The following PITPNB variants were observed in gnomAD, a reference collection of about 807,000 sequenced individuals.
PITPNB encodes phosphatidylinositol transfer protein beta.
Under a neutral mutation model 45.9 loss-of-function variants are expected in PITPNB, and 16 were observed. That is an observed-to-expected ratio of 0.35 (90% CI 0.24 to 0.53). The LOEUF (loss-of-function observed/expected upper bound fraction) is 0.53, where lower values mean the gene tolerates loss of function less well. Ranked by LOEUF, PITPNB falls within the 20% of genes least tolerant of loss-of-function variation. The pLI is 0.93. For synonymous variants in PITPNB, 112 were observed against 108.9 expected (o/e 1.03, Z -0.18); for missense variants, 188 against 330.5 (o/e 0.57, Z 3.34).
rs539861891 is a variant in PITPNB, at chr22:27,874,566, G to A, written c.457-751C>T. Among the ~76,000 whole-genome samples, 53 of 152,166 alleles carry A rather than the reference G, an allele frequency of 3.5e-4. No individual in the cohort carries two copies. In the South Asian group the frequency reaches 9.8e-3, roughly 28 times the overall value. On this transcript the variant is annotated intron_variant, in intron 7 of 11. Transcript: ENST00000335272. ...TAGTATATCTTTTTCCTGACAGAAC[G>A]GAGGAAATGAAAAAAGAAAATCTTT...
intron 8 of PITPNB, among the ~76,000 whole-genome samples, chr22:27,871,255 C>T (rs1330955013): frequency 6.6e-6 from 1 of 152,210 alleles, no homozygotes; most frequent in African/African-American, 2.4e-5. Flanking sequence ...TATCAAACTA[C>T]TTTTGCTGCC....
intron 8 of PITPNB, among the ~76,000 whole-genome samples, chr22:27,867,213 T>A (rs1263972201): frequency 6.6e-6 from 1 of 151,962 alleles, no homozygotes; most frequent in Non-Finnish European, 1.5e-5. Context: ...ACACAAAGCC[T>A]ACCGTTTAAA....
chr22:27,918,891 G>C (rs1936178135), intron 1 of PITPNB, among the ~76,000 whole-genome samples: 1 of 152,066 alleles, frequency 6.6e-6, no homozygotes, highest in Non-Finnish European at 1.5e-5. Context: ...GGGTCCCAGC[G>C]GAAACTCCCG....
At chr22:27,914,725 C>T (rs1333937629) in intron 1 of PITPNB, among the ~76,000 whole-genome samples, 1 of 152,174 alleles carries the variant, frequency 6.6e-6, no homozygotes, top group Admixed American at 6.5e-5. Flanking sequence ...TCATTCTCCA[C>T]CTATATACTG....
chr22:27,907,573 C>T (rs1359753976), intron 3 of PITPNB, among the ~76,000 whole-genome samples: 1 of 152,140 alleles, frequency 6.6e-6, no homozygotes, highest in Non-Finnish European at 1.5e-5. Context: ...TACTGCCACC[C>T]TCTTGCCTTT....
chr22:27,897,720 CCTT>C, intron 4 of PITPNB, 78 bp downstream of exon 4: 1 of 930,624 alleles, frequency 1.1e-6, no homozygotes, highest in East Asian at 2.4e-5. Context: ...TCAGTGTAAA[CCTT>C]CTCAAAGACA....
chr22:27,870,135 G>A (rs867681083), intron 8 of PITPNB, among the ~76,000 whole-genome samples: 2 of 152,164 alleles, frequency 1.3e-5, no homozygotes, highest in African/African-American at 4.8e-5. Context: ...ACCGAATCAG[G>A]TGTTCCAGAA....
Position 27,852,794 on chromosome 22 carries a change from A to G in PITPNB, c.*908T>C, listed in dbSNP as rs924548463. ...TATTTCCAACTTTTCTACACAGCCT[A>G]CAATCCTATTAAGACTAATTTCTTC... On this transcript the variant is annotated 3_prime_UTR_variant, in exon 12 of 12. Coordinates refer to ENST00000335272, the MANE Select transcript of PITPNB (RefSeq NM_012399.5). 187 of 152,774 alleles carry G rather than the reference A, an allele frequency of 1.2e-3. No homozygotes were observed. The highest frequency in any genetic ancestry group is 4.4e-3 in the African/African-American group (184 of 41,572). 9.5% of individuals were successfully genotyped at this position (152,774 alleles called of 1,614,324 possible). A position where few individuals can be genotyped will look rare whatever the true frequency, so the allele number is the denominator to read the frequency against.
chr22:27,860,112 C>A lies in PITPNB; in HGVS notation c.645+19G>T. 1.4e-6 allele frequency: 2 copies of A among 1,428,778 alleles called. No individual in the cohort carries two copies. The highest frequency in any genetic ancestry group is 2.3e-5 in the South Asian group (2 of 87,126). 88.5% of individuals were successfully genotyped at this position (1,428,778 alleles called of 1,614,324 possible). ...ATCTCATCCTAAATCTAAGTCACCACATTTTGAGCAGATTTTACCTTTTGA... is the reference window on the plus strand; with the variant it reads ...ATCTCATCCTAAATCTAAGTCACCAAATTTTGAGCAGATTTTACCTTTTGA... On this transcript the variant is annotated intron_variant, in intron 9 of 11. Transcript: ENST00000335272.
chr22:27,896,667 C>T lies in PITPNB; in HGVS notation c.298-41G>A, dbSNP rs1321226084. ...CAGGAAAATGACAGTGATCTTCTACCTGTTCCTTGGTGCCCACGTCTGAGG... is the reference window on the plus strand; with the variant it reads ...CAGGAAAATGACAGTGATCTTCTACTTGTTCCTTGGTGCCCACGTCTGAGG... On this transcript the variant is annotated intron_variant, in intron 5 of 11. Coordinates refer to ENST00000335272, the MANE Select transcript of PITPNB (RefSeq NM_012399.5). 30 of 1,404,676 alleles carry T rather than the reference C, an allele frequency of 2.1e-5. No homozygotes were observed. The East Asian group carries it at 6.8e-4, about 32-fold the overall frequency. 87.0% of individuals were successfully genotyped at this position (1,404,676 alleles called of 1,614,324 possible). A position where few individuals can be genotyped will look rare whatever the true frequency, so the allele number is the denominator to read the frequency against.
chr22:27,914,200 T>A lies in PITPNB; in HGVS notation c.51+117A>T, dbSNP rs549819401. Reference sequence around the variant, plus strand: ...CAATTATCATTCATATAATTAATTTTGTCACATAAGGTGGAATGAAAAGGT... The same window carrying A: ...CAATTATCATTCATATAATTAATTTAGTCACATAAGGTGGAATGAAAAGGT... On this transcript the variant is annotated intron_variant, in intron 2 of 11. Transcript: ENST00000335272. 1.9e-4 allele frequency: 129 copies of A among 684,000 alleles called. 2 individuals are homozygous for A. The South Asian group carries it at 2.0e-3, about 10-fold the overall frequency. 42.4% of individuals were successfully genotyped at this position (684,000 alleles called of 1,614,324 possible). A position where few individuals can be genotyped will look rare whatever the true frequency, so the allele number is the denominator to read the frequency against.
intron 7 of PITPNB, among the ~76,000 whole-genome samples, chr22:27,875,516 T>C (rs1298899455): frequency 6.6e-6 from 1 of 152,248 alleles, no homozygotes; most frequent in East Asian, 1.9e-4. Flanking sequence ...TACAGGTGGT[T>C]TCAAGACCTG....
In PITPNB at chr22:27,896,609, A is replaced by G. The variant is rs1935440211; in HGVS notation, c.315T>C (p.Asp105=). The G allele has an allele frequency of 3.1e-6, 5 of 1,606,180 alleles. No homozygotes were observed. Among genetic ancestry groups the G allele is most frequent in the Non-Finnish European group, 4.3e-6 (5 of 1,172,738 alleles). ...RTIVTNEYMK[D]DFFIKIETWH... ...ATGTTTCGATTTTAATGAAGAAATC[A>G]TCTTTCATATATTCATTCTGCAGAA... The change falls in exon 6 of 12, where the codon GAT becomes GAC. Residue 105 remains aspartate, a synonymous_variant. Transcript: ENST00000335272.
chr22:27,912,545 ATTCAAATGAACTGTATCCAAAAAAACG>A (rs1238714934), intron 2 of PITPNB, among the ~76,000 whole-genome samples: 4 of 152,158 alleles, frequency 2.6e-5, no homozygotes, highest in Non-Finnish European at 2.9e-5. Flanking sequence ...CAATAACAAT[ATTCAAATGAACTGTATCCAAAAAAACG>A]TTAATGGACT....
chr22:27,884,899 A>C (rs975305809), intron 7 of PITPNB, among the ~76,000 whole-genome samples: 1 of 152,172 alleles, frequency 6.6e-6, no homozygotes, highest in South Asian at 2.1e-4. Context: ...CTACTTAAAA[A>C]GTACCTTGAA....
chr22:27,893,530 G>A (rs1935346647), intron 7 of PITPNB, among the ~76,000 whole-genome samples: 1 of 147,198 alleles, frequency 6.8e-6, no homozygotes, highest in Non-Finnish European at 1.5e-5. Context: ...TGATCTTCCT[G>A]CCTCAGCCTC....
At chr22:27,866,875 C>T (rs1199709977) in intron 8 of PITPNB, among the ~76,000 whole-genome samples, 2 of 152,156 alleles carry the variant, frequency 1.3e-5, no homozygotes, top group Admixed American at 6.5e-5. Flanking sequence ...GCTGGGAGTG[C>T]TGCCAGTGTG....
At chr22:27,903,215 A>C (rs781774115) in intron 3 of PITPNB, among the ~76,000 whole-genome samples, 2 of 151,994 alleles carry the variant, frequency 1.3e-5, no homozygotes. Context: ...CAGGCCTATA[A>C]TCCCAGCACT....
intron 3 of PITPNB, among the ~76,000 whole-genome samples, chr22:27,906,197 G>A (rs553717954): frequency 3.4e-4 from 51 of 152,194 alleles, no homozygotes; most frequent in African/African-American, 1.2e-3. Flanking sequence ...CCAGCATAAG[G>A]GGCTGAAAAA....
Sources: gnomAD v4.1 joint callset for allele counts (sites outside exome capture counted in the v4.1 genomes callset) on GRCh38, gnomAD v4.1.1 for gene constraint, MANE v1.5 for transcripts, NCBI Gene and HGNC (gene_info 2026-07-23, HGNC 2026-07-21) for gene names.